The following SOX5 variants were observed in gnomAD, a reference collection of about 807,000 sequenced individuals.
SOX5 encodes the protein SRY-box transcription factor 5, also known as transcription factor SOX-5.
In SOX5, 9 loss-of-function variants were observed where a neutral mutation model predicts 92.0. The ratio of observed to expected loss-of-function variants is 0.10; its 90% CI spans 0.06 to 0.17. The LOEUF (loss-of-function observed/expected upper bound fraction) is 0.17, where lower values mean the gene tolerates loss of function less well. Among genes scored for constraint, SOX5 ranks in the 10% least tolerant of loss-of-function variants. SOX5 has a pLI of 1.00. For missense variants in SOX5, 642 were observed against 944.5 expected, an observed-to-expected ratio of 0.68 and a Z score of 4.20; for synonymous variants, 344 against 336.3, an observed-to-expected ratio of 1.02 and a Z score of -0.25.
At chr12:24,034,735 G>A (rs549951026) in intron 4 of SOX5, among the ~76,000 whole-genome samples, 16 of 151,956 alleles carry the variant, frequency 1.1e-4, no homozygotes, top group African/African-American at 2.7e-4. Context: ...CATGGCCTAC[G>A]TATTATACTT....
intron 3 of SOX5, among the ~76,000 whole-genome samples, chr12:23,828,171 A>G (rs1051588998): frequency 6.6e-6 from 1 of 152,222 alleles, no homozygotes; most frequent in African/African-American, 2.4e-5. Context: ...TCAGTTCAGT[A>G]ACATACTGTA....
rs556198750 is a variant in SOX5 at position 24,091,428 on chromosome 12, A to ATTTTTTTTTT, written c.-2+121905_-2+121914dup. On this transcript the variant is annotated intron_variant, in intron 4 of 4. Transcript: ENST00000446891. ...AAGCATAAAGTAAATAGAGAATGCT[A>ATTTTTTTTTT]TTTTTTTTTTTTTTTTTTTGAGATG... Among the ~76,000 whole-genome samples the ATTTTTTTTTT allele has an allele frequency of 2.3e-4, 28 of 122,648 alleles. 1 individual carries two copies. Among genetic ancestry groups the ATTTTTTTTTT allele is most frequent in the African/African-American group, 8.3e-4 (27 of 32,416 alleles). The allele number at this position is 122,648 out of a possible 152,430, so 80.5% of individuals were successfully genotyped here. A position where few individuals can be genotyped will look rare whatever the true frequency, so the allele number is the denominator to read the frequency against.
intron 4 of SOX5, among the ~76,000 whole-genome samples, chr12:24,092,975 G>C (rs1032054963): frequency 1.3e-5 from 2 of 152,000 alleles, no homozygotes; most frequent in Admixed American, 1.3e-4. Context: ...CATGGTGAGC[G>C]GCCCCAAGGA....
At chr12:23,783,253 T>C (rs963259480) in intron 3 of SOX5, among the ~76,000 whole-genome samples, 3 of 152,216 alleles carry the variant, frequency 2.0e-5, no homozygotes, top group Non-Finnish European at 4.4e-5. Flanking sequence ...ATATTTTTTA[T>C]GTTCCCCTTA....
intron 1 of SOX5, among the ~76,000 whole-genome samples, chr12:24,472,042 C>T (rs73289654): frequency 0.022 from 3,341 of 152,298 alleles, 48 homozygotes; most frequent in South Asian, 0.036. Flanking sequence ...TCTACAATGG[C>T]AGCGTTTTTG....
intron 4 of SOX5, among the ~76,000 whole-genome samples, chr12:24,179,387 C>G (rs927353121): frequency 6.6e-6 from 1 of 152,142 alleles, no homozygotes; most frequent in African/African-American, 2.4e-5. Flanking sequence ...CAATAGAAAT[C>G]ATACTTTGAA....
chr12:24,171,543 A>G (rs1954170215), intron 4 of SOX5, among the ~76,000 whole-genome samples: 1 of 152,104 alleles, frequency 6.6e-6, no homozygotes, highest in Admixed American at 6.6e-5. Context: ...CAGTTTTTAA[A>G]GTGTTGACTA....
intron 6 of SOX5, among the ~76,000 whole-genome samples, chr12:23,694,435 G>A (rs2089453436): frequency 6.6e-6 from 1 of 151,798 alleles, no homozygotes; most frequent in African/African-American, 2.4e-5. Context: ...TTTCTCATCT[G>A]TGTCTCTCTG....
At chr12:23,563,153 G>T in intron 11 of SOX5, 105 bp downstream of exon 11, 1 of 944,102 alleles carries the variant, frequency 1.1e-6, no homozygotes, top group South Asian at 1.7e-5. Flanking sequence ...AAGGGACAGA[G>T]AATCATTTTG....
At chr12:24,433,377 G>A (rs1938742191) in intron 1 of SOX5, among the ~76,000 whole-genome samples, 1 of 152,210 alleles carries the variant, frequency 6.6e-6, no homozygotes, top group Non-Finnish European at 1.5e-5. Flanking sequence ...TTTTGAAGCA[G>A]TCAGTAAGTG....
At chr12:24,042,587 T>A (rs996724748) in intron 4 of SOX5, among the ~76,000 whole-genome samples, 5 of 152,146 alleles carry the variant, frequency 3.3e-5, no homozygotes, top group Admixed American at 2.6e-4. Context: ...TAGCCTTTTT[T>A]AAAAAGTATA....
intron 12 of SOX5, among the ~76,000 whole-genome samples, chr12:23,545,874 C>CAA (rs113618801): frequency 3.4e-4 from 44 of 130,394 alleles, no homozygotes; most frequent in South Asian, 7.2e-4. Flanking sequence ...GTCCTCATCT[C>CAA]AAAAAAAAAA....
chr12:23,578,146 A>AAAAAAAAAAC (rs1565984217), intron 9 of SOX5, among the ~76,000 whole-genome samples: 6 of 137,318 alleles, frequency 4.4e-5, no homozygotes, highest in African/African-American at 1.6e-4. Context: ...AAAAAAAAAA[A>AAAAAAAAAAC]AAAACTATAG....
At chr12:24,391,839 G>C (rs1034593587) in intron 1 of SOX5, among the ~76,000 whole-genome samples, 3 of 151,970 alleles carry the variant, frequency 2.0e-5, no homozygotes, top group African/African-American at 7.3e-5. Context: ...AAATATAAAC[G>C]TTTCCTTCAT....
intron 3 of SOX5, among the ~76,000 whole-genome samples, chr12:23,757,154 T>C (rs1044718799): frequency 2.0e-5 from 3 of 151,976 alleles, no homozygotes; most frequent in African/African-American, 7.2e-5. Context: ...TATGCAAATA[T>C]GTATATGCCC....
intron 3 of SOX5, among the ~76,000 whole-genome samples, chr12:23,764,355 G>A (rs1205738247): frequency 6.6e-6 from 1 of 151,900 alleles, no homozygotes; most frequent in Non-Finnish European, 1.5e-5. Context: ...CAAAATAATA[G>A]AAAAGAATAC....
At chr12:23,874,709 A>C (rs932090878) in intron 2 of SOX5, among the ~76,000 whole-genome samples, 1 of 152,150 alleles carries the variant, frequency 6.6e-6, no homozygotes, top group African/African-American at 2.4e-5. Flanking sequence ...GAGGTCATGG[A>C]ATCTACTGAG....
intron 11 of SOX5, among the ~76,000 whole-genome samples, chr12:23,561,640 G>C (rs1592084723): frequency 6.6e-6 from 1 of 152,210 alleles, no homozygotes; most frequent in Non-Finnish European, 1.5e-5. Context: ...TACCATCAAA[G>C]TACTTTTAAT....
intron 1 of SOX5, among the ~76,000 whole-genome samples, chr12:23,927,268 G>A (rs529967954): frequency 7.4e-4 from 113 of 152,016 alleles, no homozygotes; most frequent in African/African-American, 2.5e-3. Flanking sequence ...TTCTACTTAC[G>A]GGAGAAAGAA....
Sources: gnomAD v4.1 joint callset for allele counts (sites outside exome capture counted in the v4.1 genomes callset) on GRCh38, gnomAD v4.1.1 for gene constraint, MANE v1.5 for transcripts, NCBI Gene and HGNC (gene_info 2026-07-23, HGNC 2026-07-21) for gene names.